SMPD3: variants seen among roughly 807,000 people sequenced by gnomAD.
SMPD3 encodes sphingomyelin phosphodiesterase 3, also known as nSMase-2.
SMPD3 carries 21 observed loss-of-function variants against 55.7 expected under a neutral mutation model. The observed-to-expected ratio is 0.38, with a 90% CI of 0.27 to 0.54. The LOEUF is 0.54. Ranked by LOEUF, SMPD3 falls within the 20% of genes least tolerant of loss-of-function variation. The probability of loss-of-function intolerance (pLI) is 0.80; values close to 1 mark genes in which losing one functional copy is unlikely to be tolerated. For missense variants in SMPD3, 842 were observed against 899.6 expected (o/e 0.94, Z 0.82); for synonymous variants, 457 against 404.3 (o/e 1.13, Z -1.56).
intron 1 of SMPD3, among the ~76,000 whole-genome samples, chr16:68,390,951 C>T (rs1345161490): frequency 6.6e-6 from 1 of 152,124 alleles, no homozygotes; most frequent in Non-Finnish European, 1.5e-5. Flanking sequence ...AGTAACACTA[C>T]AGGGTGGTGA....
At chr16:68,440,807 C>G (rs1253540581) in intron 1 of SMPD3, among the ~76,000 whole-genome samples, 2 of 152,158 alleles carry the variant, frequency 1.3e-5, no homozygotes, top group African/African-American at 4.8e-5. Flanking sequence ...CCCCTGATTC[C>G]CCTGAGGAAT....
intron 1 of SMPD3, among the ~76,000 whole-genome samples, chr16:68,388,670 T>C (rs894327345): frequency 2.0e-5 from 3 of 151,264 alleles, no homozygotes; most frequent in Non-Finnish European, 1.5e-5. Context: ...CCACCAACTC[T>C]TCTGAAAAAT....
intron 1 of SMPD3, among the ~76,000 whole-genome samples, chr16:68,389,721 C>T (rs1664259538): frequency 6.6e-6 from 1 of 152,214 alleles, no homozygotes; most frequent in Non-Finnish European, 1.5e-5. Context: ...GGCCTCCCAG[C>T]CTCATGCTAC....
At chr16:68,439,914 C>T (rs1035463387) in intron 1 of SMPD3, among the ~76,000 whole-genome samples, 3 of 152,150 alleles carry the variant, frequency 2.0e-5, no homozygotes, top group African/African-American at 7.2e-5. Context: ...CTGTAAACAC[C>T]GAGGTCAGAA....
intron 1 of SMPD3, among the ~76,000 whole-genome samples, chr16:68,437,750 T>A (rs1480464920): frequency 6.6e-6 from 1 of 152,170 alleles, no homozygotes; most frequent in Non-Finnish European, 1.5e-5. Context: ...TCTGTGCCCC[T>A]CTCCTTTCCT....
intron 2 of SMPD3, among the ~76,000 whole-genome samples, chr16:68,376,286 G>C (rs1334584851): frequency 6.6e-6 from 1 of 152,210 alleles, no homozygotes; most frequent in African/African-American, 2.4e-5. Flanking sequence ...GTGGTGCTCA[G>C]CCGCACTGGT....
intron 1 of SMPD3, among the ~76,000 whole-genome samples, chr16:68,425,682 G>A (rs1195354931): frequency 2.6e-5 from 4 of 152,200 alleles, no homozygotes; most frequent in African/African-American, 9.7e-5. Context: ...TGTTAGCACT[G>A]TGAGGCAATA....
At position 68,361,004 on chromosome 16, in the gene SMPD3, C is replaced by T; in HGVS notation, c.*202G>A. The T allele has an allele frequency of 1.8e-6, 1 of 570,000 alleles. No individual in the cohort carries two copies. The highest frequency in any genetic ancestry group is 3.1e-6 in the Non-Finnish European group (1 of 321,744). 35.3% of individuals were successfully genotyped at this position (570,000 alleles called of 1,614,324 possible). On this transcript the variant is annotated 3_prime_UTR_variant, in exon 9 of 9. Coordinates refer to ENST00000219334, the MANE Select transcript of SMPD3 (RefSeq NM_018667.4). ...GCACTGGTTAGGCAGCTGGAGGCTC[C>T]TGGGGCGGGCCTGACTCCTCTGTCC...
In SMPD3 at chr16:68,363,499, T is replaced by C; in HGVS notation, c.1706A>G (p.Gln569Arg). The change falls in exon 7 of 9, where the codon CAG becomes CGG. Residue 569 changes from glutamine (Q) to arginine (R), a missense_variant. By Grantham distance (43) the Gln-to-Arg change is conservative. This residue lies in a region of SMPD3 where 649 missense variants were observed against 643.6 expected (regional missense o/e 1.01). Coordinates refer to ENST00000219334, the MANE Select transcript of SMPD3 (RefSeq NM_018667.4). Reference protein sequence around the residue: ...DEDVCTPDNLQKVLESEEGRR... With the variant: ...DEDVCTPDNLRKVLESEEGRR... ...GGCCTGGGAGCGCAGTGCTTACTTC[T>C]GCAGGTTGTCGGGGGTGCACACATC... 1 of 1,614,096 alleles carries C rather than the reference T, an allele frequency of 6.2e-7. No individual in the cohort carries two copies. Among genetic ancestry groups the C allele is most frequent in the Non-Finnish European group, 8.5e-7 (1 of 1,179,996 alleles).
At position 68,365,144 on chromosome 16, in the gene SMPD3, G is replaced by A. The variant is rs368870876; in HGVS notation, c.1324-52C>T. Reference sequence around the variant, plus strand: ...CACCTGCCAGTCACTGTGGCCCTGAGAGCACAGGACACTGGCAGTGCCCAC... The same window carrying A: ...CACCTGCCAGTCACTGTGGCCCTGAAAGCACAGGACACTGGCAGTGCCCAC... On this transcript the variant is annotated intron_variant, in intron 3 of 8. Coordinates refer to ENST00000219334, the MANE Select transcript of SMPD3 (RefSeq NM_018667.4). The A allele has an allele frequency of 1.2e-4, 196 of 1,594,612 alleles. 2 individuals carry two copies. The South Asian group carries it at 2.1e-3, about 17-fold the overall frequency.
chr16:68,441,972 C>A (rs2152035454), intron 1 of SMPD3, among the ~76,000 whole-genome samples: 1 of 152,176 alleles, frequency 6.6e-6, no homozygotes, highest in South Asian at 2.1e-4. Flanking sequence ...CACTATGTTA[C>A]CCAGGCTAGT....
chr16:68,364,648 G>C, intron 5 of SMPD3, 103 bp downstream of exon 5: 2 of 1,324,116 alleles, frequency 1.5e-6, no homozygotes, highest in South Asian at 2.8e-5. Context: ...TGCTCTCGAG[G>C]AGCAGGAATT....
chr16:68,436,683 A>G (rs1301025844), intron 1 of SMPD3, among the ~76,000 whole-genome samples: 2 of 152,170 alleles, frequency 1.3e-5, no homozygotes, highest in Non-Finnish European at 2.9e-5. Flanking sequence ...TATTCTTCTG[A>G]AGGTTAACAG....
At chr16:68,386,080 G>T (rs2090047981) in intron 2 of SMPD3, among the ~76,000 whole-genome samples, 2 of 152,114 alleles carry the variant, frequency 1.3e-5, no homozygotes, top group African/African-American at 4.8e-5. Flanking sequence ...AAATTAGCCA[G>T]GCGTGGTGGT....
intron 6 of SMPD3, 29 bp from the exon 7 acceptor site, chr16:68,363,588 C>G: frequency 6.2e-7 from 1 of 1,606,792 alleles, no homozygotes; most frequent in Non-Finnish European, 8.5e-7. Context: ...TGACAGTGGT[C>G]GCTGCAGGCA....
Position 68,367,376 on chromosome 16 carries a change from T to C in SMPD3, c.1324-2284A>G, listed in dbSNP as rs1183463675. The stretch of plus-strand genomic sequence containing the variant: ...CACACTGAGGCCAGAAGTTGAGTTG[T>C]GGGCCGGGGTCACAGGCTCACATGG... On this transcript the variant is annotated intron_variant, in intron 3 of 8. Coordinates refer to ENST00000219334, the MANE Select transcript of SMPD3 (RefSeq NM_018667.4). The C allele has an allele frequency of 2.6e-5, 4 of 152,234 alleles. No homozygotes were observed. The East Asian group carries it at 7.7e-4, about 29-fold the overall frequency. 9.4% of individuals were successfully genotyped at this position (152,234 alleles called of 1,614,324 possible).
At chr16:68,445,303 C>A (rs772552958) in intron 1 of SMPD3, among the ~76,000 whole-genome samples, 8 of 152,190 alleles carry the variant, frequency 5.3e-5, no homozygotes, top group Admixed American at 1.3e-4. Context: ...GAGGTAGAGA[C>A]AGGAGATGCC....
At chr16:68,393,551 T>C (rs1283007008) in intron 1 of SMPD3, among the ~76,000 whole-genome samples, 1 of 152,144 alleles carries the variant, frequency 6.6e-6, no homozygotes, top group East Asian at 1.9e-4. Context: ...TTGGGGGACA[T>C]TTGCATAGAC....
intron 3 of SMPD3, chr16:68,369,418 A>T (rs1171422743): frequency 7.7e-6 from 1 of 129,458 alleles, no homozygotes; most frequent in Non-Finnish European, 1.6e-5. Flanking sequence ...TGGGGACAGG[A>T]TGTGTGGATT....
Sources: gnomAD v4.1 joint callset for allele counts (sites outside exome capture counted in the v4.1 genomes callset) on GRCh38, gnomAD v4.1.1 for gene constraint, gnomAD v4.1.1 regional missense constraint, MANE v1.5 for transcripts, NCBI Gene and HGNC (gene_info 2026-07-23, HGNC 2026-07-21) for gene names.